WDR7: variants seen among roughly 807,000 people sequenced by gnomAD.
WDR7 encodes WD repeat-containing protein 7.
A neutral mutation model predicts 169.4 loss-of-function variants in WDR7; 46 were observed. That is an observed-to-expected ratio of 0.27 (90% CI 0.21 to 0.35). The LOEUF is 0.35. WDR7 is among the 10% of genes least tolerant of loss of function. The pLI is 1.00. For missense variants in WDR7, 1,534 were observed against 1,859.3 expected (o/e 0.83, Z 3.22); for synonymous variants, 612 against 666.8 (o/e 0.92, Z 1.27).
intron 22 of WDR7, among the ~76,000 whole-genome samples, chr18:56,928,219 TTTGGGAGGCCGAG>T (rs1429892092): frequency 6.6e-6 from 1 of 152,164 alleles, no homozygotes; most frequent in Non-Finnish European, 1.5e-5. Flanking sequence ...ATCCTAGCAC[TTTGGGAGGCCGAG>T]GTGGGAGGAT....
rs555320088 is a variant in WDR7, at chr18:56,754,218, G to A, written c.1990-2365G>A. Among the ~76,000 whole-genome samples the A allele has an allele frequency of 5.3e-5, 8 of 150,232 alleles. No individual in the cohort carries two copies. In the Middle Eastern group the frequency reaches 0.01, roughly 196 times the overall value. On this transcript the variant is annotated intron_variant, in intron 14 of 27. Transcript: ENST00000254442. ...AGAGGTGAAATTGGAAGGGTAAGCA[G>A]CAGTATATCTTGGAGGATGTTTTGT...
intron 2 of WDR7, among the ~76,000 whole-genome samples, chr18:56,674,112 A>G (rs1263179513): frequency 1.3e-5 from 2 of 152,108 alleles, no homozygotes; most frequent in Non-Finnish European, 2.9e-5. Flanking sequence ...TTTTGTGTGG[A>G]CACATGATTT....
chr18:56,718,024 T>G lies in WDR7; in HGVS notation c.1639T>G (p.Leu547Val). 6.2e-7 allele frequency: 1 copy of G among 1,614,114 alleles called. No homozygotes were observed. Among genetic ancestry groups the G allele is most frequent in the Non-Finnish European group, 8.5e-7 (1 of 1,179,994 alleles). The change falls in exon 13 of 28, where the codon TTG becomes GTG. Residue 547 changes from leucine (L) to valine (V), a missense_variant. By Grantham distance (32) the Leu-to-Val change is conservative. Coordinates refer to ENST00000254442, the MANE Select transcript of WDR7 (RefSeq NM_015285.3). ...ASDHSVGLLSLREKKCIMLAS... is the reference protein window; with the variant it reads ...ASDHSVGLLSVREKKCIMLAS... Reference sequence around the variant, plus strand: ...TGACCACTCAGTAGGACTTCTAAGTTTGCGAGAGAAAAAATGCATAATGTT... The same window carrying G: ...TGACCACTCAGTAGGACTTCTAAGTGTGCGAGAGAAAAAATGCATAATGTT...
Position 56,935,974 on chromosome 18 carries a change from G to T in WDR7, c.3831+69G>T. 5 of 1,372,282 alleles carry T rather than the reference G, an allele frequency of 3.6e-6. No individual in the cohort carries two copies. In the South Asian group the frequency reaches 5.3e-5, roughly 15 times the overall value. The allele number at this position is 1,372,282 out of a possible 1,614,324, so 85.0% of individuals were successfully genotyped here. ...AATTATTTGATACTATAAGCTGAGG[G>T]TTCATATCCACAAATCCCCTTTACA... On this transcript the variant is annotated intron_variant, in intron 23 of 27. Transcript: ENST00000254442.
intron 19 of WDR7, among the ~76,000 whole-genome samples, chr18:56,812,146 T>C (rs961255856): frequency 6.6e-6 from 1 of 152,154 alleles, no homozygotes; most frequent in Non-Finnish European, 1.5e-5. Flanking sequence ...ATTTCTTTCA[T>C]CAGTGTTTTG....
At chr18:56,878,521 T>G (rs1317446193) in intron 20 of WDR7, among the ~76,000 whole-genome samples, 1 of 152,172 alleles carries the variant, frequency 6.6e-6, no homozygotes, top group African/African-American at 2.4e-5. Context: ...AATGGGCACA[T>G]TAATAAATTA....
chr18:56,851,275 T>C (rs2045637467), intron 20 of WDR7, among the ~76,000 whole-genome samples: 1 of 152,186 alleles, frequency 6.6e-6, no homozygotes, highest in Non-Finnish European at 1.5e-5. Context: ...TGTCTTAGTC[T>C]TTCATTCTTC....
At chr18:56,991,660 T>C (rs1472718364) in intron 26 of WDR7, among the ~76,000 whole-genome samples, 2 of 152,208 alleles carry the variant, frequency 1.3e-5, no homozygotes, top group East Asian at 1.9e-4. Flanking sequence ...TGAGTGATTA[T>C]AGAGTAAGAA....
intron 25 of WDR7, among the ~76,000 whole-genome samples, chr18:56,951,688 TAA>T (rs1162473973): frequency 2.0e-5 from 3 of 152,160 alleles, no homozygotes; most frequent in Non-Finnish European, 4.4e-5. Context: ...TATTATATCT[TAA>T]GATATTTATA....
intron 13 of WDR7, among the ~76,000 whole-genome samples, chr18:56,724,766 C>T (rs1265876494): frequency 6.6e-6 from 1 of 151,924 alleles, no homozygotes; most frequent in Non-Finnish European, 1.5e-5. Context: ...TTGTCATTTA[C>T]TTTAGGTATA....
intron 1 of WDR7, among the ~76,000 whole-genome samples, chr18:56,672,140 C>T (rs1568128659): frequency 6.6e-6 from 1 of 152,268 alleles, no homozygotes; most frequent in East Asian, 1.9e-4. Context: ...AAATAGTATA[C>T]ATAAAAGCGC....
At chr18:56,721,994 T>C (rs1219478696) in intron 13 of WDR7, among the ~76,000 whole-genome samples, 1 of 152,246 alleles carries the variant, frequency 6.6e-6, no homozygotes, top group African/African-American at 2.4e-5. Context: ...TGTTTCTTTT[T>C]ATGTTCTGCA....
intron 19 of WDR7, among the ~76,000 whole-genome samples, chr18:56,812,834 A>G (rs929873388): frequency 1.1e-4 from 17 of 151,830 alleles, no homozygotes; most frequent in African/African-American, 4.1e-4. Flanking sequence ...TTGAGTGCCG[A>G]TTTTTCCCAC....
intron 21 of WDR7, among the ~76,000 whole-genome samples, chr18:56,915,301 C>A (rs374600855): frequency 2.6e-5 from 4 of 152,136 alleles, no homozygotes; most frequent in African/African-American, 9.7e-5. Flanking sequence ...CATCCTTGTT[C>A]TTTGATGGAC....
chr18:56,971,858 G>T lies in WDR7; in HGVS notation c.4164+9329G>T, dbSNP rs543619679. 2.6e-5 allele frequency among the ~76,000 whole-genome samples: 4 copies of T among 152,210 alleles called. No homozygotes were observed. In the South Asian group the frequency reaches 8.3e-4, roughly 32 times the overall value. ...CCATATTACAGCAATTTTCAAATCAGCATAATATGGGGAATTTCACAAATC... is the reference window on the plus strand; with the variant it reads ...CCATATTACAGCAATTTTCAAATCATCATAATATGGGGAATTTCACAAATC... On this transcript the variant is annotated intron_variant, in intron 26 of 27. Transcript: ENST00000254442.
chr18:56,783,031 A>G (rs1274853140), intron 19 of WDR7, among the ~76,000 whole-genome samples: 1 of 152,188 alleles, frequency 6.6e-6, no homozygotes, highest in Non-Finnish European at 1.5e-5. Context: ...TTTCACTTAT[A>G]GCCGAAGTAT....
chr18:56,938,590 A>G lies in WDR7; in HGVS notation c.3889A>G (p.Thr1297Ala). The G allele has an allele frequency of 6.2e-7, 1 of 1,614,002 alleles. No homozygotes were observed. Among genetic ancestry groups the G allele is most frequent in the Non-Finnish European group, 8.5e-7 (1 of 1,179,956 alleles). ...NTQSQQNMHT[T>A]TLARAKGEIL... ...CCAATCACAGCAGAATATGCACACA[A>G]CAACTCTTGCACGAGCTAAAGGGGA... Residue 1297 changes from threonine (T) to alanine (A), a missense_variant, in exon 24 of 28, where the codon ACA becomes GCA. Physicochemically the swap from Thr to Ala is moderately conservative, Grantham distance 58. Coordinates refer to ENST00000254442, the MANE Select transcript of WDR7 (RefSeq NM_015285.3).
At chr18:56,980,324 C>A (rs1445664137) in intron 26 of WDR7, among the ~76,000 whole-genome samples, 1 of 152,186 alleles carries the variant, frequency 6.6e-6, no homozygotes, top group Non-Finnish European at 1.5e-5. Context: ...GCTAGCACCC[C>A]CAGATTGCAT....
chr18:56,730,456 C>G (rs1407396724), intron 13 of WDR7, among the ~76,000 whole-genome samples: 1 of 152,076 alleles, frequency 6.6e-6, no homozygotes. Flanking sequence ...GAAAGGATAG[C>G]CAAATAAAGA....
Sources: gnomAD v4.1 joint callset for allele counts (sites outside exome capture counted in the v4.1 genomes callset) on GRCh38, gnomAD v4.1.1 for gene constraint, MANE v1.5 for transcripts, NCBI Gene and HGNC (gene_info 2026-07-23, HGNC 2026-07-21) for gene names.